TENM1: variants seen among roughly 807,000 people sequenced by gnomAD.
The protein encoded by TENM1 is teneurin-1.
In TENM1, 35 loss-of-function variants were observed where a neutral mutation model predicts 174.8. The ratio of observed to expected loss-of-function variants is 0.20; its 90% CI spans 0.15 to 0.27. The LOEUF is 0.27. Among genes scored for constraint, TENM1 ranks in the 10% least tolerant of loss-of-function variants. TENM1 has a pLI of 1.00. For missense variants in TENM1, 1,633 were observed against 2,130.1 expected, an observed-to-expected ratio of 0.77 and a Z score of 4.59; for synonymous variants, 781 against 798.7, an observed-to-expected ratio of 0.98 and a Z score of 0.37.
the TENM1 span, among the ~76,000 whole-genome samples, chrX:125,081,226 C>T: frequency 3.6e-5 from 4 of 110,958 alleles, no homozygotes; most frequent in Non-Finnish European, 7.6e-5. Context: ...GTGTGTTTGT[C>T]GGGCCTCTTC....
chrX:124,907,236 A>T (rs1277046172), intron 1 of TENM1, among the ~76,000 whole-genome samples: 1 of 112,203 alleles, frequency 8.9e-6, no homozygotes, highest in Non-Finnish European at 1.9e-5. Context: ...ACTGTCATCA[A>T]TGAGGGAAAT....
At chrX:125,169,967 G>A in the TENM1 span, among the ~76,000 whole-genome samples, 3 of 111,249 alleles carry the variant, frequency 2.7e-5, no homozygotes, top group Non-Finnish European at 5.7e-5. Flanking sequence ...TATTGGACAC[G>A]ATAAAAGGAC....
At chrX:125,158,007 C>T in the TENM1 span, among the ~76,000 whole-genome samples, 1 of 111,036 alleles carries the variant, frequency 9.0e-6, no homozygotes, top group East Asian at 2.8e-4. Flanking sequence ...TACACATAAC[C>T]CTAACCTGAA....
At chrX:125,029,051 A>C in the TENM1 span, among the ~76,000 whole-genome samples, 402 of 111,635 alleles carry the variant, frequency 3.6e-3, 18 homozygotes, top group East Asian at 0.1. Context: ...ATGTTACTGA[A>C]ATTTTTCTTC....
rs190238930 is a variant in TENM1 at position 124,740,275 on chromosome X, G to A, written c.536-3078C>T. 3.6e-5 allele frequency among the ~76,000 whole-genome samples: 4 copies of A among 111,960 alleles called. 1 individual carries two copies. The highest frequency in any genetic ancestry group is 1.3e-4 in the African/African-American group (4 of 30,864). ...AGTAGGGGTTTCTGTCAGCACAGTT[G>A]TGCAAGAGAAAGGGTTTCTCTTCAG... On this transcript the variant is annotated intron_variant, in intron 3 of 31. Coordinates refer to ENST00000422452, the Ensembl canonical transcript of TENM1.
chrX:125,101,291 AT>A, the TENM1 span, among the ~76,000 whole-genome samples: 3 of 110,450 alleles, frequency 2.7e-5, no homozygotes, highest in Non-Finnish European at 5.7e-5. Context: ...AAAACAACCA[AT>A]TTTTTTTTCC....
chrX:124,857,080 G>A (rs182357939), intron 3 of TENM1, among the ~76,000 whole-genome samples: 55 of 111,094 alleles, frequency 5.0e-4, no homozygotes, highest in African/African-American at 1.6e-3. Context: ...ATAAAAGGTC[G>A]GAAGTCACTG....
At chrX:125,143,442 G>A in the TENM1 span, among the ~76,000 whole-genome samples, 1 of 111,505 alleles carries the variant, frequency 9.0e-6, no homozygotes, top group South Asian at 3.7e-4. Context: ...AGCTGATCTT[G>A]TTTCTATGTT....
intron 11 of TENM1, among the ~76,000 whole-genome samples, chrX:124,597,800 T>A (rs1248746925): frequency 9.0e-6 from 1 of 111,271 alleles, no homozygotes; most frequent in African/African-American, 3.3e-5. Context: ...TTGGGGGAAA[T>A]CTGCAGGACA....
At chrX:124,589,128 G>A (rs1046581904) in intron 11 of TENM1, among the ~76,000 whole-genome samples, 4 of 107,219 alleles carry the variant, frequency 3.7e-5, no homozygotes, top group Admixed American at 1.0e-4. Context: ...GTATTTTGGA[G>A]TTTATAAAAA....
chrX:125,161,251 T>A, the TENM1 span, among the ~76,000 whole-genome samples: 2 of 111,487 alleles, frequency 1.8e-5, no homozygotes, highest in African/African-American at 6.5e-5. Context: ...CCTACACACA[T>A]CCTCTGGTAC....
chrX:124,944,139 A>G (rs191333675), intron 1 of TENM1, among the ~76,000 whole-genome samples: 101 of 111,945 alleles, frequency 9.0e-4, no homozygotes, highest in African/African-American at 3.2e-3. Context: ...TTATAATGAT[A>G]AGTTCAAGAG....
chrX:124,920,622 C>A (rs1383914471), intron 1 of TENM1, among the ~76,000 whole-genome samples: 1 of 111,204 alleles, frequency 9.0e-6, no homozygotes, highest in Non-Finnish European at 1.9e-5. Flanking sequence ...ATATTTCCCC[C>A]CACAGTTCCA....
chrX:124,809,586 T>A (rs1372517461), intron 3 of TENM1, among the ~76,000 whole-genome samples: 1 of 111,500 alleles, frequency 9.0e-6, no homozygotes, highest in African/African-American at 3.3e-5. Flanking sequence ...AAACATATGA[T>A]AATTTCAATA....
chrX:124,879,050 A>G (rs2057258589), intron 3 of TENM1, among the ~76,000 whole-genome samples: 1 of 112,244 alleles, frequency 8.9e-6, no homozygotes, highest in African/African-American at 3.2e-5. Flanking sequence ...TGTTACATGC[A>G]TAGAATGTGC....
chrX:125,042,699 C>T, the TENM1 span, among the ~76,000 whole-genome samples: 1 of 111,521 alleles, frequency 9.0e-6, no homozygotes, highest in Non-Finnish European at 1.9e-5. Flanking sequence ...GAAAAATATT[C>T]ACATATTAAA....
At chrX:124,723,398 G>A (rs7057919) in intron 4 of TENM1, among the ~76,000 whole-genome samples, 2,497 of 111,046 alleles carry the variant, frequency 0.022, 72 homozygotes, top group African/African-American at 0.077. Flanking sequence ...TTACTTTTCA[G>A]TCACCTACGC....
intron 11 of TENM1, among the ~76,000 whole-genome samples, chrX:124,588,192 T>C (rs1214130049): frequency 5.4e-5 from 6 of 111,550 alleles, no homozygotes; most frequent in Admixed American, 4.8e-4. Context: ...CATTACTGGG[T>C]ATATACCCAA....
chrX:125,089,359 C>T, the TENM1 span, among the ~76,000 whole-genome samples: 4 of 111,764 alleles, frequency 3.6e-5, no homozygotes, highest in Non-Finnish European at 7.5e-5. Flanking sequence ...ATTGGGGACA[C>T]CTAGCTTTAT....
Sources: gnomAD v4.1 joint callset for allele counts (sites outside exome capture counted in the v4.1 genomes callset) on GRCh38, gnomAD v4.1.1 for gene constraint, MANE v1.5 for transcripts, NCBI Gene and HGNC (gene_info 2026-07-23, HGNC 2026-07-21) for gene names.